RICTOR: variants seen among roughly 807,000 people sequenced by gnomAD.
RICTOR encodes rapamycin-insensitive companion of mTOR.
RICTOR carries 49 observed loss-of-function variants against 214.9 expected under a neutral mutation model. The ratio of observed to expected loss-of-function variants is 0.23; its 90% CI spans 0.18 to 0.29. The LOEUF is 0.29. Ranked by LOEUF, RICTOR falls within the 10% of genes least tolerant of loss-of-function variation. The probability of loss-of-function intolerance (pLI) is 1.00; values close to 1 mark genes in which losing one functional copy is unlikely to be tolerated. For missense variants in RICTOR, 1,625 were observed against 2,047.0 expected (o/e 0.79, Z 3.98); for synonymous variants, 717 against 711.3 (o/e 1.01, Z -0.13).
At chr5:38,995,450 A>G (rs1199544113) in intron 6 of RICTOR, among the ~76,000 whole-genome samples, 1 of 152,112 alleles carries the variant, frequency 6.6e-6, no homozygotes, top group East Asian at 1.9e-4. Flanking sequence ...TAAAAAGATT[A>G]CATACGGGGT....
chr5:38,982,430 T>G (rs760327279), intron 7 of RICTOR, among the ~76,000 whole-genome samples: 1 of 152,176 alleles, frequency 6.6e-6, no homozygotes, highest in Non-Finnish European at 1.5e-5. Context: ...AACACACACA[T>G]AGAACACACA....
intron 7 of RICTOR, among the ~76,000 whole-genome samples, chr5:38,984,665 T>C (rs1218680284): frequency 6.6e-6 from 1 of 152,188 alleles, no homozygotes; most frequent in East Asian, 1.9e-4. Context: ...TCTTTTTTTT[T>C]AGCTTAAACT....
intron 2 of RICTOR, among the ~76,000 whole-genome samples, chr5:39,071,475 G>A (rs748458900): frequency 1.7e-4 from 26 of 152,208 alleles, no homozygotes; most frequent in Non-Finnish European, 3.8e-4. Flanking sequence ...GGCAACTAAT[G>A]TTAAATATCA....
intron 5 of RICTOR, among the ~76,000 whole-genome samples, chr5:38,998,223 T>C (rs906261054): frequency 6.6e-6 from 1 of 152,180 alleles, no homozygotes; most frequent in East Asian, 1.9e-4. Context: ...ACAAGGCAAA[T>C]AACATGATCC....
At chr5:39,037,772 A>T (rs945305080) in intron 2 of RICTOR, among the ~76,000 whole-genome samples, 1 of 152,216 alleles carries the variant, frequency 6.6e-6, no homozygotes, top group Non-Finnish European at 1.5e-5. Flanking sequence ...AACCAGGAAG[A>T]AGTTGAATCC....
At chr5:38,994,419 TAAAAAA>T (rs869254811) in intron 6 of RICTOR, among the ~76,000 whole-genome samples, 3,949 of 57,104 alleles carry the variant, frequency 0.069, 165 homozygotes, top group South Asian at 0.12. Flanking sequence ...AAGGTTTTAC[TAAAAAA>T]AAAAAAAAAA....
At chr5:39,010,451 C>T (rs73084787) in intron 3 of RICTOR, among the ~76,000 whole-genome samples, 4,051 of 152,018 alleles carry the variant, frequency 0.027, 189 homozygotes, top group African/African-American at 0.093. Flanking sequence ...TAAAGATACA[C>T]GACATGTGGA....
chr5:39,052,132 G>A (rs953357496), intron 2 of RICTOR, among the ~76,000 whole-genome samples: 1 of 151,892 alleles, frequency 6.6e-6, no homozygotes, highest in Non-Finnish European at 1.5e-5. Context: ...CCAGCACTTT[G>A]GGATGCTGAT....
At chr5:39,038,031 G>A (rs574228510) in intron 2 of RICTOR, among the ~76,000 whole-genome samples, 1 of 152,230 alleles carries the variant, frequency 6.6e-6, no homozygotes, top group South Asian at 2.1e-4. Flanking sequence ...GAGAATTTTA[G>A]ACCAATATCC....
rs1241048846 is a variant in RICTOR at position 38,942,350 on chromosome 5, G to A, written c.5081C>T (p.Ala1694Val). ...AACTATAGGTTGCTTTGGTGGTGTT[G>A]CCAACACAGCCTCTGCTTCTTCATG... ...QMHEEAEAVL[A>V]TPPKQPIVDT... Residue 1694 changes from alanine (A) to valine (V), a missense_variant, in exon 38 of 38, where the codon GCA becomes GTA. Physicochemically the swap from Ala to Val is moderately conservative, Grantham distance 64. Around this residue, in one of 5 missense-constraint regions of RICTOR, gnomAD observed 38 missense variants for 34.8 expected, o/e 1.09. Coordinates refer to ENST00000357387, the MANE Select transcript of RICTOR (RefSeq NM_152756.5). 1 of 1,596,228 alleles carries A rather than the reference G, an allele frequency of 6.3e-7. No homozygotes were observed. The highest frequency in any genetic ancestry group is 8.6e-7 in the Non-Finnish European group (1 of 1,168,310).
chr5:39,045,996 AT>A (rs1757462027), intron 2 of RICTOR, among the ~76,000 whole-genome samples: 1 of 150,462 alleles, frequency 6.6e-6, no homozygotes, highest in South Asian at 2.1e-4. Context: ...TTCTTCATGG[AT>A]CGTCAGTCTC....
chr5:39,002,441 T>A (rs1224327172), intron 5 of RICTOR, 94 bp downstream of exon 5: 2 of 715,514 alleles, frequency 2.8e-6, no homozygotes, highest in Non-Finnish European at 4.8e-6. Context: ...TCATCAAAGT[T>A]ACACTACAGT....
At chr5:39,023,730 C>T (rs547758854) in intron 2 of RICTOR, among the ~76,000 whole-genome samples, 115 of 152,306 alleles carry the variant, frequency 7.6e-4, no homozygotes, top group Admixed American at 1.6e-3. Flanking sequence ...AAACGGTTTG[C>T]ACTGTCCTGC....
intron 2 of RICTOR, among the ~76,000 whole-genome samples, chr5:39,072,640 T>C (rs1343071220): frequency 2.0e-5 from 3 of 152,202 alleles, no homozygotes; most frequent in Non-Finnish European, 4.4e-5. Context: ...GTGAATCTAT[T>C]TTATATAGAT....
intron 2 of RICTOR, among the ~76,000 whole-genome samples, chr5:39,041,828 T>TA (rs1467882202): frequency 6.6e-6 from 1 of 151,238 alleles, no homozygotes; most frequent in Non-Finnish European, 1.5e-5. Flanking sequence ...CAGGCATGGC[T>TA]ACTCCAGAGG....
At chr5:39,062,366 C>T (rs567422339) in intron 2 of RICTOR, among the ~76,000 whole-genome samples, 1 of 152,172 alleles carries the variant, frequency 6.6e-6, no homozygotes, top group Admixed American at 6.5e-5. Context: ...TGTTTCCAAC[C>T]ACTGGAGTCT....
intron 2 of RICTOR, among the ~76,000 whole-genome samples, chr5:39,034,485 G>A (rs1446431070): frequency 4.6e-5 from 7 of 152,254 alleles, no homozygotes; most frequent in Admixed American, 4.6e-4. Context: ...AGTGGGTGCA[G>A]CGCACCGTGC....
At chr5:39,029,383 C>T (rs973226315) in intron 2 of RICTOR, among the ~76,000 whole-genome samples, 1 of 151,676 alleles carries the variant, frequency 6.6e-6, no homozygotes, top group Non-Finnish European at 1.5e-5. Context: ...TTTCTTGGCT[C>T]AATTCTCTGT....
chr5:39,044,981 A>G (rs747992515), intron 2 of RICTOR, among the ~76,000 whole-genome samples: 1 of 152,234 alleles, frequency 6.6e-6, no homozygotes, highest in Non-Finnish European at 1.5e-5. Context: ...GTGAATTTAT[A>G]AAGATTTTCT....
Sources: gnomAD v4.1 joint callset for allele counts (sites outside exome capture counted in the v4.1 genomes callset) on GRCh38, gnomAD v4.1.1 for gene constraint, gnomAD v4.1.1 regional missense constraint, MANE v1.5 for transcripts, NCBI Gene and HGNC (gene_info 2026-07-23, HGNC 2026-07-21) for gene names.